CEP126: variants seen among roughly 807,000 people sequenced by gnomAD.
CEP126 encodes centrosomal protein of 126 kDa.
In CEP126, 74 loss-of-function variants were observed where a neutral mutation model predicts 107.8. The observed-to-expected ratio is 0.69, with a 90% CI of 0.57 to 0.83. CEP126 has a LOEUF of 0.83. CEP126 is among the 40% of genes least tolerant of loss of function. The probability of loss-of-function intolerance (pLI) is 0.00; values close to 1 mark genes in which losing one functional copy is unlikely to be tolerated. For synonymous variants in CEP126, 449 were observed against 446.0 expected, an observed-to-expected ratio of 1.01 and a Z score of -0.08; for missense variants, 1,237 against 1,281.9, an observed-to-expected ratio of 0.96 and a Z score of 0.53.
At chr11:101,922,517 T>C in intron 1 of CEP126, 124 bp from the exon 2 acceptor site, 1 of 784,632 alleles carries the variant, frequency 1.3e-6, no homozygotes, top group South Asian at 1.8e-5. Flanking sequence ...GGGCACATAC[T>C]AATTATTCCA....
At chr11:101,982,987 C>T (rs1004485964) in intron 8 of CEP126, among the ~76,000 whole-genome samples, 1 of 152,136 alleles carries the variant, frequency 6.6e-6, no homozygotes, top group Non-Finnish European at 1.5e-5. Context: ...CCATGCACAC[C>T]CAGATTCCCC....
intron 1 of CEP126, chr11:101,916,104 T>G (rs1565346068): frequency 6.6e-6 from 1 of 152,246 alleles, no homozygotes; most frequent in Non-Finnish European, 1.5e-5. Flanking sequence ...GGTTTATTCC[T>G]TTAGAGACTG....
chr11:101,989,218 T>A (rs1189075334), intron 9 of CEP126, among the ~76,000 whole-genome samples: 1 of 151,986 alleles, frequency 6.6e-6, no homozygotes, highest in Admixed American at 6.6e-5. Flanking sequence ...AGAAAAAAAA[T>A]AATAGGAATT....
At chr11:101,988,418 A>C (rs1458415992) in intron 9 of CEP126, among the ~76,000 whole-genome samples, 1 of 152,164 alleles carries the variant, frequency 6.6e-6, no homozygotes, top group Non-Finnish European at 1.5e-5. Flanking sequence ...AAAAGACACA[A>C]AAGAGTAAAT....
chr11:101,930,915 A>T (rs1940489887), intron 2 of CEP126, among the ~76,000 whole-genome samples: 1 of 152,200 alleles, frequency 6.6e-6, no homozygotes, highest in Admixed American at 6.5e-5. Context: ...CATGCACAGG[A>T]GTTTTAGTTG....
intron 4 of CEP126, among the ~76,000 whole-genome samples, chr11:101,954,895 A>T (rs1940864086): frequency 6.6e-6 from 1 of 152,158 alleles, no homozygotes; most frequent in Non-Finnish European, 1.5e-5. Context: ...ATTAAGCTGA[A>T]ACCATTGATA....
At chr11:101,991,700 A>G (rs1170840061) in intron 9 of CEP126, among the ~76,000 whole-genome samples, 1 of 152,226 alleles carries the variant, frequency 6.6e-6, no homozygotes, top group Non-Finnish European at 1.5e-5. Context: ...GAATTTGAAT[A>G]TAGGTCAATA....
chr11:101,964,269 C>T (rs1005456718), intron 6 of CEP126, among the ~76,000 whole-genome samples: 1 of 150,700 alleles, frequency 6.6e-6, no homozygotes, highest in African/African-American at 2.4e-5. Flanking sequence ...TGTCACTGCA[C>T]TCCAGCCTGA....
chr11:101,918,152 AAGTGAACCCATTCAGCTGGGCCC>A (rs1206978909), intron 1 of CEP126, among the ~76,000 whole-genome samples: 11 of 152,162 alleles, frequency 7.2e-5, no homozygotes, highest in Admixed American at 6.5e-5. Flanking sequence ...ATAGAAAGTG[AAGTGAACCCATTCAGCTGGGCCC>A]AGTGGCTCAC....
intron 2 of CEP126, among the ~76,000 whole-genome samples, chr11:101,938,163 A>C: frequency 7.0e-6 from 1 of 143,562 alleles, no homozygotes. Context: ...CTGTCTCAAA[A>C]AAAAAAAAAA....
At position 101,938,478 on chromosome 11, in the gene CEP126, C is replaced by T. The variant is rs543061430; in HGVS notation, c.249-5787C>T. ...TTCTTTCTTCTTTAGGATAAATTTG[C>T]TCATCTTCTATCTTGTTAAGGTGGA... is the stretch of plus-strand genomic sequence containing the variant. On this transcript the variant is annotated intron_variant, in intron 2 of 10. Coordinates refer to ENST00000263468, the MANE Select transcript of CEP126 (RefSeq NM_020802.4). Among the ~76,000 whole-genome samples, 14 of 149,082 alleles carry T rather than the reference C, an allele frequency of 9.4e-5. No homozygotes were observed. In the East Asian group the frequency reaches 2.6e-3, roughly 27 times the overall value.
chr11:101,978,331 C>T lies in CEP126; in HGVS notation c.2846-16C>T, dbSNP rs1941216723. 3.2e-6 allele frequency: 5 copies of T among 1,544,542 alleles called. No individual in the cohort carries two copies. Among genetic ancestry groups the T allele is most frequent in the Non-Finnish European group, 4.5e-6 (5 of 1,121,632 alleles). On this transcript the variant is annotated splice_polypyrimidine_tract_variant and intron_variant, in intron 6 of 10. Transcript: ENST00000263468. Reference sequence around the variant, plus strand: ...AACTAGCATAATTTTTAACATTGTGCTGGCATTTGTTTAAGGGTCTACTGT... The same window carrying T: ...AACTAGCATAATTTTTAACATTGTGTTGGCATTTGTTTAAGGGTCTACTGT...
intron 5 of CEP126, among the ~76,000 whole-genome samples, chr11:101,961,035 A>C (rs1031216687): frequency 1.3e-5 from 2 of 152,126 alleles, no homozygotes; most frequent in Non-Finnish European, 2.9e-5. Context: ...GTAAATGTCT[A>C]TGGAATTTAT....
At chr11:101,966,717 C>A (rs1941060993) in intron 6 of CEP126, among the ~76,000 whole-genome samples, 1 of 152,160 alleles carries the variant, frequency 6.6e-6, no homozygotes, top group African/African-American at 2.4e-5. Flanking sequence ...CTCAAATACC[C>A]TTTCCCTTTG....
intron 3 of CEP126, among the ~76,000 whole-genome samples, chr11:101,947,803 C>T (rs145275716): frequency 6.6e-6 from 1 of 152,144 alleles, no homozygotes; most frequent in East Asian, 1.9e-4. Flanking sequence ...CTCAAAGTCT[C>T]TTTTTTCCTG....
chr11:101,961,597 G>A (rs1292119120), intron 5 of CEP126, 144 bp from the exon 6 acceptor site: 3 of 493,348 alleles, frequency 6.1e-6, no homozygotes, highest in Non-Finnish European at 1.0e-5. Flanking sequence ...GCAGGGATAA[G>A]AATTATTTAT....
intron 10 of CEP126, among the ~76,000 whole-genome samples, chr11:101,993,796 A>G (rs1941412691): frequency 6.6e-6 from 1 of 152,140 alleles, no homozygotes; most frequent in Non-Finnish European, 1.5e-5. Flanking sequence ...TGCATTTTTC[A>G]AATGATTAGT....
chr11:101,991,481 T>A (rs757231450), intron 9 of CEP126, among the ~76,000 whole-genome samples: 1 of 152,116 alleles, frequency 6.6e-6, no homozygotes, highest in African/African-American at 2.4e-5. Flanking sequence ...CAGACAGTAA[T>A]TTAAATAACT....
intron 10 of CEP126, among the ~76,000 whole-genome samples, chr11:101,994,637 A>G (rs114494205): frequency 1.8e-3 from 277 of 152,306 alleles, no homozygotes; most frequent in African/African-American, 6.3e-3. Flanking sequence ...TCCGTTCCCC[A>G]TTGCTTGTTT....
Sources: gnomAD v4.1 joint callset for allele counts (sites outside exome capture counted in the v4.1 genomes callset) on GRCh38, gnomAD v4.1.1 for gene constraint, MANE v1.5 for transcripts, NCBI Gene and HGNC (gene_info 2026-07-23, HGNC 2026-07-21) for gene names.